Variants in EPM2AIP1 observed in about 807,000 individuals in gnomAD.
EPM2AIP1 encodes EPM2A interacting protein 1.
EPM2AIP1 carries 23 observed loss-of-function variants against 44.8 expected under a neutral mutation model. The observed-to-expected ratio is 0.51, with a 90% CI of 0.37 to 0.73. The LOEUF is 0.73. Ranked by LOEUF, EPM2AIP1 falls within the 30% of genes least tolerant of loss-of-function variation. The probability of loss-of-function intolerance (pLI) is 0.00; values close to 1 mark genes in which losing one functional copy is unlikely to be tolerated. For missense variants in EPM2AIP1, 652 were observed against 743.9 expected, an observed-to-expected ratio of 0.88 and a Z score of 1.44; for synonymous variants, 311 against 284.3, an observed-to-expected ratio of 1.09 and a Z score of -0.94.
rs1041130579 is a variant in EPM2AIP1, at chr3:36,989,965, G to C, written c.*1289C>G. 2 of 152,206 alleles carry C rather than the reference G, an allele frequency of 1.3e-5. No individual in the cohort carries two copies. The highest frequency in any genetic ancestry group is 4.8e-5 in the African/African-American group (2 of 41,444). The allele number at this position is 152,206 out of a possible 1,614,324, so 9.4% of individuals were successfully genotyped here. ...CAGATTAAGGTGTTTCAATAGTTAAGACAGGACTTTGGAACAAGAGTTTTT... is the reference window on the plus strand; with the variant it reads ...CAGATTAAGGTGTTTCAATAGTTAACACAGGACTTTGGAACAAGAGTTTTT... On this transcript the variant is annotated 3_prime_UTR_variant, in exon 1 of 1. Coordinates refer to ENST00000322716, the MANE Select transcript of EPM2AIP1 (RefSeq NM_014805.4).
Position 36,992,667 on chromosome 3 carries a change from T to C in EPM2AIP1, c.411A>G (p.Val137=), listed in dbSNP as rs2080837846. The part of the protein sequence containing the change: ...VLLREVLPEH[V]SVLQGVDLSP... The stretch of plus-strand genomic sequence containing the variant: ...ATAAGTCAACGCCTTGCAGGACGCT[T>C]ACATGCTCGGGCAGTACCTCTCTCA... The change falls in exon 1 of 1, where the codon GTA becomes GTG. Residue 137 remains valine (V), a synonymous_variant. Coordinates refer to ENST00000322716, the MANE Select transcript of EPM2AIP1 (RefSeq NM_014805.4). The surrounding 1 kb of genome is among the most constrained non-coding windows in gnomAD (Gnocchi z 5.3). 1.2e-6 allele frequency: 2 copies of C among 1,613,984 alleles called. No homozygotes were observed. Among genetic ancestry groups the C allele is most frequent in the East Asian group, 4.5e-5 (2 of 44,886 alleles).
chr3:36,992,630 T>C lies in EPM2AIP1; in HGVS notation c.448A>G (p.Thr150Ala). 3 of 1,614,060 alleles carry C rather than the reference T, an allele frequency of 1.9e-6. No individual in the cohort carries two copies. The highest frequency in any genetic ancestry group is 1.1e-5 in the South Asian group (1 of 91,088). ...LQGVDLSPDI[T>A]RQRILSIDRN... ...TCAATGCTCAGGATCCTCTGCCTTG[T>C]GATATCTGGAGATAAGTCAACGCCT... The change falls in exon 1 of 1, where the codon ACA (threonine) becomes GCA (alanine). Residue 150 changes from threonine (T) to alanine (A), a missense_variant. By Grantham distance (58) the Thr-to-Ala change is moderately conservative (BLOSUM62 0). Transcript: ENST00000322716. The surrounding 1 kb of genome is among the most constrained non-coding windows in gnomAD (Gnocchi z 5.3).
In EPM2AIP1 at chr3:36,992,410, A is replaced by G; in HGVS notation, c.668T>C (p.Leu223Pro). ...CAGGGACTCTAGGATTGCCGACATG[A>G]GCGCACCAACACTGAAATGATGAGT... ...NLTHHFSVGA[L>P]MSAILESLQT... Residue 223 changes from leucine (L) to proline (P), a missense_variant, in exon 1 of 1, where the codon CTC becomes CCC. Leu to Pro is a moderately conservative substitution (Grantham distance 98). Coordinates refer to ENST00000322716, the MANE Select transcript of EPM2AIP1 (RefSeq NM_014805.4). This position sits in a 1 kb window ranked among gnomAD's most constrained non-coding sequence, Gnocchi z 5.3. 1 of 1,613,944 alleles carries G rather than the reference A, an allele frequency of 6.2e-7. No homozygotes were observed. The highest frequency in any genetic ancestry group is 8.5e-7 in the Non-Finnish European group (1 of 1,179,884).
chr3:36,992,911 C>T lies in EPM2AIP1; in HGVS notation c.167G>A (p.Arg56His), dbSNP rs1243747174. The part of the protein sequence containing the change: ...IVATRERDVR[R>H]HYEAEHEYYE... ...GTATTCGTGCTCAGCCTCGTAGTGG[C>T]GCCTGACGTCGCGTTCGCGGGTAGC... The change falls in exon 1 of 1, where the codon CGC (arginine) becomes CAC (histidine). Residue 56 changes from arginine (R) to histidine (H), a missense_variant. Physicochemically the swap from Arg to His is conservative, Grantham distance 29. Transcript: ENST00000322716. The surrounding 1 kb of genome is among the most constrained non-coding windows in gnomAD (Gnocchi z 5.3). The T allele has an allele frequency of 6.2e-7, 1 of 1,612,290 alleles. No individual in the cohort carries two copies. The highest frequency in any genetic ancestry group is 1.7e-5 in the Admixed American group (1 of 60,024).
Position 36,991,365 on chromosome 3 carries a change from C to G in EPM2AIP1, c.1713G>C (p.Leu571Phe). 6.2e-7 allele frequency: 1 copy of G among 1,613,990 alleles called. No individual in the cohort carries two copies. The highest frequency in any genetic ancestry group is 8.5e-7 in the Non-Finnish European group (1 of 1,179,892). ...FSYLTRNQHT[L>F]SQPLTDEHLQ... ...GATGCTCATCTGTTAATGGCTGACT[C>G]AAAGTGTGTTGGTTTCGAGTCAAAT... is the stretch of plus-strand genomic sequence containing the variant. Residue 571 changes from leucine (L) to phenylalanine (F), a missense_variant, in exon 1 of 1, where the codon TTG becomes TTC. Physicochemically the swap from Leu to Phe is conservative, Grantham distance 22. Coordinates refer to ENST00000322716, the MANE Select transcript of EPM2AIP1 (RefSeq NM_014805.4).
chr3:36,992,649 A>G lies in EPM2AIP1; in HGVS notation c.429T>C (p.Val143=), dbSNP rs765755315. Residue 143 remains valine, a synonymous_variant, in exon 1 of 1, where the codon GTT becomes GTC. Transcript: ENST00000322716. This position sits in a 1 kb window ranked among gnomAD's most constrained non-coding sequence, Gnocchi z 5.3. ...LPEHVSVLQG[V]DLSPDITRQR... ...GCCTTGTGATATCTGGAGATAAGTC[A>G]ACGCCTTGCAGGACGCTTACATGCT... 3 of 1,614,058 alleles carry G rather than the reference A, an allele frequency of 1.9e-6. No individual in the cohort carries two copies. In the East Asian group the frequency reaches 6.7e-5, roughly 36 times the overall value.
Position 36,992,134 on chromosome 3 carries a change from C to T in EPM2AIP1, c.944G>A (p.Arg315Gln). 1 of 1,614,008 alleles carries T rather than the reference C, an allele frequency of 6.2e-7. No homozygotes were observed. The highest frequency in any genetic ancestry group is 8.5e-7 in the Non-Finnish European group (1 of 1,179,898). Residue 315 changes from arginine (R) to glutamine (Q), a missense_variant, in exon 1 of 1, where the codon CGA becomes CAA. Coordinates refer to ENST00000322716, the MANE Select transcript of EPM2AIP1 (RefSeq NM_014805.4). This position sits in a 1 kb window ranked among gnomAD's most constrained non-coding sequence, Gnocchi z 5.3. The stretch of plus-strand genomic sequence containing the variant: ...CGTTAGTAAAGTCTGAAATTCAGGT[C>T]GCCTAACGCCTCTGGTCTTAATCAA... The part of the protein sequence containing the change: ...IVLIKTRGVR[R>Q]PEFQTLLTES...
In EPM2AIP1 at chr3:36,986,781, C is replaced by CA. The variant is rs11294180; in HGVS notation, c.*4472dup. Reference sequence around the variant, plus strand: ...TGGGTGACAAAGTGAGACCCCGCCTCAAAAAAAAAAAAAAAAAAAAAAGCC... The same window carrying CA: ...TGGGTGACAAAGTGAGACCCCGCCTCAAAAAAAAAAAAAAAAAAAAAAAGCC... On this transcript the variant is annotated 3_prime_UTR_variant, in exon 1 of 1. Transcript: ENST00000322716. 0.013 allele frequency: 994 copies of CA among 75,320 alleles called. 20 individuals carry two copies. The highest frequency in any genetic ancestry group is 0.044 in the East Asian group (70 of 1,578). The allele number at this position is 75,320 out of a possible 1,614,324, so 4.7% of individuals were successfully genotyped here. A position where few individuals can be genotyped will look rare whatever the true frequency, so the allele number is the denominator to read the frequency against.
rs2080796478 is a variant in EPM2AIP1 at position 36,990,559 on chromosome 3, G to A, written c.*695C>T. On this transcript the variant is annotated 3_prime_UTR_variant, in exon 1 of 1. Transcript: ENST00000322716. Reference sequence around the variant, plus strand: ...CCAGTTATTAAAAAAAAAATCCAAGGAAAACCCCCAATAATTAGTCTTATC... The same window carrying A: ...CCAGTTATTAAAAAAAAAATCCAAGAAAAACCCCCAATAATTAGTCTTATC... The A allele has an allele frequency of 1.0e-6, 1 of 984,874 alleles. No homozygotes were observed. 61.0% of individuals were successfully genotyped at this position (984,874 alleles called of 1,614,324 possible). A position where few individuals can be genotyped will look rare whatever the true frequency, so the allele number is the denominator to read the frequency against.
In EPM2AIP1 at chr3:36,991,396, A is replaced by G; in HGVS notation, c.1682T>C (p.Phe561Ser). ...GTGTTGGTTTCGAGTCAAATATGAA[A>G]AAGCCTTTTCACAGATTTGGTTACT... The part of the protein sequence containing the change: ...FDSNQICEKA[F>S]SYLTRNQHTL... Residue 561 changes from phenylalanine to serine, a missense_variant, in exon 1 of 1, where the codon TTT (phenylalanine) becomes TCT (serine). By Grantham distance (155) the Phe-to-Ser change is radical (BLOSUM62 -2). Transcript: ENST00000322716. The G allele has an allele frequency of 6.2e-7, 1 of 1,614,018 alleles. No homozygotes were observed.
rs2080777466 is a variant in EPM2AIP1, at chr3:36,987,625, T to G, written c.*3629A>C. On this transcript the variant is annotated 3_prime_UTR_variant, in exon 1 of 1. Coordinates refer to ENST00000322716, the MANE Select transcript of EPM2AIP1 (RefSeq NM_014805.4). ...AATTTGTTATCCTTCTCTCCTTTCA[T>G]ACAACAGAGAAAACCACAATTTGTT... The G allele has an allele frequency of 6.6e-6, 1 of 152,084 alleles. No homozygotes were observed. The highest frequency in any genetic ancestry group is 6.5e-5 in the Admixed American group (1 of 15,272). 9.4% of individuals were successfully genotyped at this position (152,084 alleles called of 1,614,324 possible). A position where few individuals can be genotyped will look rare whatever the true frequency, so the allele number is the denominator to read the frequency against.
Position 36,992,482 on chromosome 3 carries a change from C to T in EPM2AIP1, c.596G>A (p.Gly199Asp). The change falls in exon 1 of 1, where the codon GGC becomes GAC. Residue 199 changes from glycine to aspartate, a missense_variant. Gly to Asp is a moderately conservative substitution (Grantham distance 94, BLOSUM62 -1). Coordinates refer to ENST00000322716, the MANE Select transcript of EPM2AIP1 (RefSeq NM_014805.4). This position sits in a 1 kb window ranked among gnomAD's most constrained non-coding sequence, Gnocchi z 5.3. ...ATCTTCTTGCACCTCCAACTCAGGG[C>T]CTACACCGCGGATAAAGACCAGGAG... The part of the protein sequence containing the change: ...NYLLVFIRGV[G>D]PELEVQEDLL... The T allele has an allele frequency of 1.2e-6, 2 of 1,613,938 alleles. No individual in the cohort carries two copies. The highest frequency in any genetic ancestry group is 1.7e-6 in the Non-Finnish European group (2 of 1,179,884).
chr3:36,992,592 G>C lies in EPM2AIP1; in HGVS notation c.486C>G (p.Arg162=). Residue 162 remains arginine, a synonymous_variant, in exon 1 of 1, where the codon CGC becomes CGG. Coordinates refer to ENST00000322716, the MANE Select transcript of EPM2AIP1 (RefSeq NM_014805.4). The surrounding 1 kb of genome is among the most constrained non-coding windows in gnomAD (Gnocchi z 5.3). The part of the protein sequence containing the change: ...QRILSIDRNL[R]NQLFNRARDF... ...CCCTGGCTCGGTTAAAAAGCTGGTT[G>C]CGTAGATTCCTGTCAATGCTCAGGA... is the stretch of plus-strand genomic sequence containing the variant. 2 of 1,614,056 alleles carry C rather than the reference G, an allele frequency of 1.2e-6. No individual in the cohort carries two copies. The highest frequency in any genetic ancestry group is 1.7e-6 in the Non-Finnish European group (2 of 1,179,910).
chr3:36,992,029 A>G lies in EPM2AIP1; in HGVS notation c.1049T>C (p.Leu350Pro), dbSNP rs769121875. 4.3e-6 allele frequency: 7 copies of G among 1,613,790 alleles called. No homozygotes were observed. The African/African-American group carries it at 9.3e-5, about 22-fold the overall frequency. Residue 350 changes from leucine (L) to proline (P), a missense_variant, in exon 1 of 1, where the codon CTA (leucine) becomes CCA (proline). Leu to Pro is a moderately conservative substitution (Grantham distance 98). Coordinates refer to ENST00000322716, the MANE Select transcript of EPM2AIP1 (RefSeq NM_014805.4). The surrounding 1 kb of genome is among the most constrained non-coding windows in gnomAD (Gnocchi z 5.3). ...NWLRRGKTLK[L>P]IFSLRKEMEA... ...CATTTCTTTTCTTAGAGAGAATATT[A>G]GTTTTAAAGTTTTCCCTCTCCTAAG...
Position 36,992,521 on chromosome 3 carries a change from G to C in EPM2AIP1, c.557C>G (p.Ala186Gly), listed in dbSNP as rs751229949. ...AAAGACCAGGAGGTAGTTCTCATAGGCCACAAAAGCCTGGTCGTCCAAGGC... is the reference window on the plus strand; with the variant it reads ...AAAGACCAGGAGGTAGTTCTCATAGCCCACAAAAGCCTGGTCGTCCAAGGC... Reference protein sequence around the residue: ...SLALDDQAFVAYENYLLVFIR... With the variant: ...SLALDDQAFVGYENYLLVFIR... The change falls in exon 1 of 1, where the codon GCC (alanine) becomes GGC (glycine). Residue 186 changes from alanine (A) to glycine (G), a missense_variant. Physicochemically the swap from Ala to Gly is moderately conservative, Grantham distance 60. Transcript: ENST00000322716. This position sits in a 1 kb window ranked among gnomAD's most constrained non-coding sequence, Gnocchi z 5.3. 1.4e-5 allele frequency: 23 copies of C among 1,613,990 alleles called. No homozygotes were observed. The highest frequency in any genetic ancestry group is 1.9e-5 in the Non-Finnish European group (23 of 1,179,866).
Position 36,991,997 on chromosome 3 carries a change from A to C in EPM2AIP1, c.1081T>G (p.Phe361Val). Reference sequence around the variant, plus strand: ...GTTGTTGCCCCTACTGAAACCAAGAACGCTTCCATTTCTTTTCTTAGAGAG... The same window carrying C: ...GTTGTTGCCCCTACTGAAACCAAGACCGCTTCCATTTCTTTTCTTAGAGAG... ...IFSLRKEMEA[F>V]LVSVGATTVH... Residue 361 changes from phenylalanine to valine, a missense_variant, in exon 1 of 1, where the codon TTC becomes GTC. Physicochemically the swap from Phe to Val is conservative, Grantham distance 50. Coordinates refer to ENST00000322716, the MANE Select transcript of EPM2AIP1 (RefSeq NM_014805.4). The C allele has an allele frequency of 6.2e-7, 1 of 1,613,846 alleles. No individual in the cohort carries two copies. The highest frequency in any genetic ancestry group is 8.5e-7 in the Non-Finnish European group (1 of 1,179,856).
At position 36,989,422 on chromosome 3, in the gene EPM2AIP1, A is replaced by G. The variant is rs527360429; in HGVS notation, c.*1832T>C. On this transcript the variant is annotated 3_prime_UTR_variant, in exon 1 of 1. Transcript: ENST00000322716. ...AACTTTTTTTCTGCCTTAAATATGTATAACAGGACAGAGCCCTTAAATCTG... is the reference window on the plus strand; with the variant it reads ...AACTTTTTTTCTGCCTTAAATATGTGTAACAGGACAGAGCCCTTAAATCTG... The G allele has an allele frequency of 2.6e-5, 4 of 152,152 alleles. No homozygotes were observed. Among genetic ancestry groups the G allele is most frequent in the South Asian group, 2.1e-4 (1 of 4,822 alleles). 9.4% of individuals were successfully genotyped at this position (152,152 alleles called of 1,614,324 possible).
rs770166494 is a variant in EPM2AIP1 at position 36,992,323 on chromosome 3, A to C, written c.755T>G (p.Met252Arg). The change falls in exon 1 of 1, where the codon ATG (methionine) becomes AGG (arginine). Residue 252 changes from methionine (M) to arginine (R), a missense_variant. By Grantham distance (91) the Met-to-Arg change is moderately conservative. Transcript: ENST00000322716. This position sits in a 1 kb window ranked among gnomAD's most constrained non-coding sequence, Gnocchi z 5.3. ...VGLTTTHTLR[M>R]IGENSGLVSY... ...GACGAGTCCTGAGTTCTCACCAATC[A>C]TCCTCAAAGTATGGGTCGTGGTCAG... 1 of 1,613,930 alleles carries C rather than the reference A, an allele frequency of 6.2e-7. No homozygotes were observed. Among genetic ancestry groups the C allele is most frequent in the South Asian group, 1.1e-5 (1 of 91,076 alleles).
rs1296291462 is a variant in EPM2AIP1, at chr3:36,991,046, A to T, written c.*208T>A. ...TGACTTTGTCACTAAACTAAGTTTT[A>T]AAAAAGGTGGCATTCTCATGTTTCA... On this transcript the variant is annotated 3_prime_UTR_variant, in exon 1 of 1. Coordinates refer to ENST00000322716, the MANE Select transcript of EPM2AIP1 (RefSeq NM_014805.4). 5 of 1,257,990 alleles carry T rather than the reference A, an allele frequency of 4.0e-6. No homozygotes were observed. The South Asian group carries it at 1.6e-4, about 39-fold the overall frequency. 77.9% of individuals were successfully genotyped at this position (1,257,990 alleles called of 1,614,324 possible).
Sources: gnomAD v4.1 joint callset for allele counts on GRCh38, gnomAD v4.1.1 for gene constraint, Gnocchi (gnomAD v3.1) non-coding constraint, MANE v1.5 for transcripts, NCBI Gene and HGNC (gene_info 2026-07-23, HGNC 2026-07-21) for gene names.